Variants in RANBP17 observed in about 807,000 individuals in gnomAD.
The protein encoded by RANBP17 is RAN binding protein 17.
RANBP17 carries 158 observed loss-of-function variants against 141.2 expected under a neutral mutation model. That is an observed-to-expected ratio of 1.12 (90% confidence interval 0.98 to 1.28). RANBP17 has a LOEUF of 1.28. Ranked by LOEUF, RANBP17 falls within the 50% of genes most tolerant of loss-of-function variation. RANBP17 has a pLI of 0.00. For missense variants in RANBP17, 1,438 were observed against 1,290.7 expected (o/e 1.11, Z -1.75); for synonymous variants, 430 against 450.0 (o/e 0.96, Z 0.56).
rs533538763 is a variant in RANBP17, at chr5:171,069,374, T to C, written c.1711-100756T>C. 7.8e-4 allele frequency among the ~76,000 whole-genome samples: 119 copies of C among 152,308 alleles called. 1 individual carries two copies. The highest frequency in any genetic ancestry group is 1.2e-3 in the Non-Finnish European group (82 of 68,036). ...AAATGCTGAAATTTACCAGCTTCTT[T>C]ATTCATCAAGCAGTCACCTGGATGC... On this transcript the variant is annotated intron_variant, in intron 14 of 27. Transcript: ENST00000523189.
intron 14 of RANBP17, among the ~76,000 whole-genome samples, chr5:171,160,223 T>A (rs1759241733): frequency 6.6e-6 from 1 of 152,180 alleles, no homozygotes; most frequent in Non-Finnish European, 1.5e-5. Context: ...TCTTACTACT[T>A]TATTTCTTTG....
At chr5:171,277,712 T>C (rs1767608333) in intron 25 of RANBP17, among the ~76,000 whole-genome samples, 4 of 140,020 alleles carry the variant, frequency 2.9e-5, no homozygotes, top group African/African-American at 1.0e-4. Flanking sequence ...ATCTCCATTT[T>C]GTAATCAAAA....
At chr5:171,090,858 T>C (rs1786203411) in intron 14 of RANBP17, among the ~76,000 whole-genome samples, 2 of 152,134 alleles carry the variant, frequency 1.3e-5, no homozygotes, top group African/African-American at 4.8e-5. Context: ...AAGTCAAGAA[T>C]TGAAGTTTGA....
chr5:171,196,372 AAG>A (rs1450801219), intron 18 of RANBP17, among the ~76,000 whole-genome samples: 1 of 152,222 alleles, frequency 6.6e-6, no homozygotes, highest in Non-Finnish European at 1.5e-5. Flanking sequence ...TGAATGGAGA[AAG>A]AGACGGAATC....
intron 1 of RANBP17, among the ~76,000 whole-genome samples, chr5:170,874,756 A>G (rs867800517): frequency 8.6e-5 from 13 of 151,774 alleles, no homozygotes; most frequent in African/African-American, 2.9e-4. Context: ...AATACAGTAC[A>G]CTGATGGGAC....
intron 14 of RANBP17, among the ~76,000 whole-genome samples, chr5:171,061,778 T>A (rs891823027): frequency 1.3e-5 from 2 of 152,200 alleles, no homozygotes; most frequent in Non-Finnish European, 2.9e-5. Flanking sequence ...AAATCTCCCA[T>A]TATTAATGTG....
chr5:171,007,617 A>T (rs1446767546), intron 14 of RANBP17, among the ~76,000 whole-genome samples: 4 of 152,094 alleles, frequency 2.6e-5, no homozygotes, highest in African/African-American at 9.7e-5. Context: ...GAGGGAACGA[A>T]GTGTGAAAAA....
At chr5:171,075,905 A>T (rs1204971177) in intron 14 of RANBP17, among the ~76,000 whole-genome samples, 3 of 152,192 alleles carry the variant, frequency 2.0e-5, no homozygotes, top group African/African-American at 7.2e-5. Flanking sequence ...GTGAGCCGAG[A>T]TCATGCCACT....
At chr5:170,921,277 A>G (rs1021293834) in intron 11 of RANBP17, among the ~76,000 whole-genome samples, 3 of 152,180 alleles carry the variant, frequency 2.0e-5, no homozygotes, top group African/African-American at 4.8e-5. Context: ...GTAAGGTGTA[A>G]GGAAGGAATC....
rs919010586 is a variant in RANBP17, at chr5:170,946,371, A to G, written c.1469-7226A>G. Among the ~76,000 whole-genome samples, 18 of 152,180 alleles carry G rather than the reference A, an allele frequency of 1.2e-4. 1 individual carries two copies. The highest frequency in any genetic ancestry group is 3.6e-4 in the African/African-American group (15 of 41,472). ...AATGACTCCTACAGAGAGTCATTAC[A>G]TATGCATTCACCAAAAGTCATGCTT... On this transcript the variant is annotated intron_variant, in intron 12 of 27. Coordinates refer to ENST00000523189, the MANE Select transcript of RANBP17 (RefSeq NM_022897.5).
intron 26 of RANBP17, 44 bp from the exon 27 acceptor site, chr5:171,295,843 G>A (rs763668795): frequency 1.1e-5 from 18 of 1,600,366 alleles, no homozygotes; most frequent in Middle Eastern, 1.7e-4. Flanking sequence ...GTCTTCAGGC[G>A]GGACTTGGAG....
At chr5:170,892,118 T>C (rs1769673291) in intron 3 of RANBP17, among the ~76,000 whole-genome samples, 1 of 140,878 alleles carries the variant, frequency 7.1e-6, no homozygotes, top group Non-Finnish European at 1.5e-5. Context: ...TTGTTTAAAG[T>C]TCACAAAATT....
intron 14 of RANBP17, among the ~76,000 whole-genome samples, chr5:170,984,501 G>A (rs1171810628): frequency 6.6e-6 from 1 of 151,904 alleles, no homozygotes; most frequent in Non-Finnish European, 1.5e-5. Flanking sequence ...GTGACACACG[G>A]CTGTAGTCCC....
intron 14 of RANBP17, among the ~76,000 whole-genome samples, chr5:171,139,780 A>G (rs1332242325): frequency 1.3e-5 from 2 of 152,166 alleles, no homozygotes; most frequent in African/African-American, 4.8e-5. Flanking sequence ...GCATTGTACA[A>G]TTGTAGCCAG....
intron 27 of RANBP17, among the ~76,000 whole-genome samples, chr5:171,297,846 C>CTTTTTTT (rs71310040): frequency 3.0e-5 from 2 of 67,472 alleles, no homozygotes; most frequent in Non-Finnish European, 5.8e-5. Flanking sequence ...CCAATAAATT[C>CTTTTTTT]TTTTTTTTTT....
intron 18 of RANBP17, among the ~76,000 whole-genome samples, chr5:171,184,129 G>A (rs532981271): frequency 3.2e-4 from 48 of 152,158 alleles, no homozygotes; most frequent in Non-Finnish European, 5.4e-4. Flanking sequence ...ACTACTGGGT[G>A]TATAGGTATC....
intron 14 of RANBP17, among the ~76,000 whole-genome samples, chr5:171,153,531 C>G (rs1254008144): frequency 1.3e-5 from 2 of 152,034 alleles, no homozygotes; most frequent in Non-Finnish European, 1.5e-5. Flanking sequence ...GTAATGAGGC[C>G]CATGACTGAT....
At chr5:170,870,471 T>C (rs1432357668) in intron 1 of RANBP17, among the ~76,000 whole-genome samples, 1 of 152,112 alleles carries the variant, frequency 6.6e-6, no homozygotes, top group Non-Finnish European at 1.5e-5. Flanking sequence ...CATTTGGTGT[T>C]TGGTTTTCTG....
intron 14 of RANBP17, among the ~76,000 whole-genome samples, chr5:171,047,831 AGCTT>A (rs924415763): frequency 1.3e-5 from 2 of 152,052 alleles, no homozygotes; most frequent in Non-Finnish European, 2.9e-5. Flanking sequence ...CTAAGTATGT[AGCTT>A]GTTTTTTTCA....
Sources: allele counts gnomAD v4.1 joint callset (sites outside exome capture counted in the v4.1 genomes callset), GRCh38; gene constraint gnomAD v4.1.1; transcripts MANE v1.5; gene names NCBI Gene and HGNC (gene_info 2026-07-23, HGNC 2026-07-21).